U2SURP: variants seen among roughly 807,000 people sequenced by gnomAD.
U2SURP encodes U2 snRNP-associated SURP motif-containing protein.
In U2SURP, 9 loss-of-function variants were observed where a neutral mutation model predicts 144.9. The observed-to-expected ratio is 0.06, with a 90% CI of 0.04 to 0.11. The LOEUF is 0.11. Among genes scored for constraint, U2SURP ranks in the 10% least tolerant of loss-of-function variants. The probability of loss-of-function intolerance (pLI) is 1.00; values close to 1 mark genes in which losing one functional copy is unlikely to be tolerated. For synonymous variants in U2SURP, 408 were observed against 396.8 expected (o/e 1.03, Z -0.33); for missense variants, 724 against 1,226.7 (o/e 0.59, Z 6.12).
In U2SURP at chr3:143,057,598, G is replaced by A. The variant is rs1935206346; in HGVS notation, c.*1148G>A. 2 of 151,910 alleles carry A rather than the reference G, an allele frequency of 1.3e-5. No individual in the cohort carries two copies. The highest frequency in any genetic ancestry group is 6.6e-5 in the Admixed American group (1 of 15,262). The allele number at this position is 151,910 out of a possible 1,614,324, so 9.4% of individuals were successfully genotyped here. A position where few individuals can be genotyped will look rare whatever the true frequency, so the allele number is the denominator to read the frequency against. ...GAGGAAGAAATAAAACTTGTGTAAT[G>A]TTGGTCATAATACTGCTATAAATAT... On this transcript the variant is annotated 3_prime_UTR_variant, in exon 28 of 28. Transcript: ENST00000473835.
chr3:143,016,828 A>G lies in U2SURP; in HGVS notation c.437-14A>G, dbSNP rs748444879. On this transcript the variant is annotated splice_polypyrimidine_tract_variant and intron_variant, in intron 5 of 27. Coordinates refer to ENST00000473835, the MANE Select transcript of U2SURP (RefSeq NM_001080415.2). ...TGCGAAATTAGTTTTGAAACTTAGT[A>G]TTTTAAATTTCAGAAGAACATGAAA... 7.9e-6 allele frequency: 12 copies of G among 1,512,626 alleles called. No homozygotes were observed. In the Admixed American group the frequency reaches 3.0e-4, roughly 38 times the overall value. 93.7% of individuals were successfully genotyped at this position (1,512,626 alleles called of 1,614,324 possible). A position where few individuals can be genotyped will look rare whatever the true frequency, so the allele number is the denominator to read the frequency against.
intron 20 of U2SURP, 60 bp from the exon 21 acceptor site, chr3:143,037,119 T>TA: frequency 5.2e-6 from 8 of 1,526,436 alleles, no homozygotes; most frequent in Non-Finnish European, 7.1e-6. Flanking sequence ...AAATTAATCT[T>TA]ACAAGCAATG....
At chr3:143,025,220 C>T (rs1199348690) in intron 13 of U2SURP, among the ~76,000 whole-genome samples, 2 of 152,218 alleles carry the variant, frequency 1.3e-5, no homozygotes, top group East Asian at 3.9e-4. Context: ...TTTTTCACCA[C>T]TGATAAAAGC....
At chr3:143,018,455 G>A (rs1303930844) in intron 6 of U2SURP, among the ~76,000 whole-genome samples, 1 of 152,040 alleles carries the variant, frequency 6.6e-6, no homozygotes, top group Non-Finnish European at 1.5e-5. Context: ...CTTAGTAGAT[G>A]GACATTTGGA....
chr3:143,010,454 T>TG (rs1209300004), intron 1 of U2SURP, among the ~76,000 whole-genome samples: 1 of 152,212 alleles, frequency 6.6e-6, no homozygotes, highest in Non-Finnish European at 1.5e-5. Context: ...AAGAAGTTGC[T>TG]GGGCAGTGCT....
chr3:143,053,064 A>G (rs1360161334), intron 25 of U2SURP, among the ~76,000 whole-genome samples: 1 of 151,956 alleles, frequency 6.6e-6, no homozygotes, highest in Non-Finnish European at 1.5e-5. Flanking sequence ...TCGATGGAAG[A>G]TTATTGTGAA....
In U2SURP at chr3:143,046,657, G is replaced by A. The variant is rs1389203800; in HGVS notation, c.2544+3381G>A. 9.6e-5 allele frequency among the ~76,000 whole-genome samples: 10 copies of A among 104,362 alleles called. No homozygotes were observed. The South Asian group carries it at 3.2e-3, about 33-fold the overall frequency. The allele number at this position is 104,362 out of a possible 152,430, so 68.5% of individuals were successfully genotyped here. On this transcript the variant is annotated intron_variant, in intron 24 of 27. Transcript: ENST00000473835. ...TGGGGGTAAGGTCACAGATCAACAG[G>A]ATCCCAAGGCAAAAGAATTTTTCTT...
At chr3:143,033,175 G>T (rs2108295519) in intron 17 of U2SURP, 96 bp from the exon 18 acceptor site, 1 of 857,298 alleles carries the variant, frequency 1.2e-6, no homozygotes, top group East Asian at 2.7e-5. Context: ...GTGATACTGA[G>T]CTTCATATAA....
At chr3:143,029,364 G>T (rs1050236318) in intron 16 of U2SURP, among the ~76,000 whole-genome samples, 1 of 152,090 alleles carries the variant, frequency 6.6e-6, no homozygotes, top group African/African-American at 2.4e-5. Context: ...ATTATTTTTC[G>T]AACAGCATGT....
At position 143,012,273 on chromosome 3, in the gene U2SURP, A is replaced by G. The variant is rs1184620765; in HGVS notation, c.142A>G (p.Lys48Glu). The change falls in exon 3 of 28, where the codon AAG becomes GAG. Residue 48 changes from lysine to glutamate, a missense_variant. Transcript: ENST00000473835. ...DSDMPSRTRP[K>E]SPRKHNYRNE... ...TGATATGCCAAGTCGGACACGACCT[A>G]AGAGCCCAAGAAAACATAATTATAG... is the stretch of plus-strand genomic sequence containing the variant. 13 of 1,613,376 alleles carry G rather than the reference A, an allele frequency of 8.1e-6. No homozygotes were observed. The highest frequency in any genetic ancestry group is 1.0e-5 in the Non-Finnish European group (12 of 1,179,558).
In U2SURP at chr3:143,060,145, T is replaced by C. The variant is rs962203616; in HGVS notation, c.*3695T>C. On this transcript the variant is annotated 3_prime_UTR_variant, in exon 28 of 28. Coordinates refer to ENST00000473835, the MANE Select transcript of U2SURP (RefSeq NM_001080415.2). ...TTATATGTATAATTGGTAATTTGTA[T>C]AGTTTTGTAGATTGTAGATTAAATG... 3.9e-5 allele frequency: 6 copies of C among 152,434 alleles called. No homozygotes were observed. The highest frequency in any genetic ancestry group is 1.4e-4 in the African/African-American group (6 of 41,432). 9.4% of individuals were successfully genotyped at this position (152,434 alleles called of 1,614,324 possible). A position where few individuals can be genotyped will look rare whatever the true frequency, so the allele number is the denominator to read the frequency against.
intron 22 of U2SURP, among the ~76,000 whole-genome samples, chr3:143,038,680 A>T (rs1486288688): frequency 6.6e-6 from 1 of 152,062 alleles, no homozygotes; most frequent in Non-Finnish European, 1.5e-5. Context: ...AATAAGGATG[A>T]CATTATTCGT....
intron 3 of U2SURP, among the ~76,000 whole-genome samples, chr3:143,013,588 A>T (rs1164105467): frequency 6.6e-6 from 1 of 151,976 alleles, no homozygotes; most frequent in African/African-American, 2.4e-5. Context: ...CCTACCTTTT[A>T]AGTTTATAAA....
intron 13 of U2SURP, among the ~76,000 whole-genome samples, chr3:143,024,987 C>T (rs765564611): frequency 2.0e-5 from 3 of 151,838 alleles, no homozygotes; most frequent in Non-Finnish European, 4.4e-5. Context: ...TTGTACTACA[C>T]TGTTTTATTC....
intron 10 of U2SURP, 105 bp from the exon 11 acceptor site, chr3:143,022,392 C>T (rs907586396): frequency 4.6e-6 from 5 of 1,075,490 alleles, no homozygotes; most frequent in Admixed American, 3.0e-5. Flanking sequence ...AATTGAAGCA[C>T]GTTGCTATGT....
At position 143,057,730 on chromosome 3, in the gene U2SURP, C is replaced by G. The variant is rs1359536004; in HGVS notation, c.*1280C>G. ...TGGTTTGATGGGTTTTTTTTTTCCT[C>G]CCTAAAAGAGAAAGTAGAAAACTAT... On this transcript the variant is annotated 3_prime_UTR_variant, in exon 28 of 28. Transcript: ENST00000473835. 1 of 150,648 alleles carries G rather than the reference C, an allele frequency of 6.6e-6. No individual in the cohort carries two copies. Among genetic ancestry groups the G allele is most frequent in the East Asian group, 1.9e-4 (1 of 5,180 alleles). The allele number at this position is 150,648 out of a possible 1,614,324, so 9.3% of individuals were successfully genotyped here. A position where few individuals can be genotyped will look rare whatever the true frequency, so the allele number is the denominator to read the frequency against.
At chr3:143,030,440 A>G (rs879914469) in intron 16 of U2SURP, among the ~76,000 whole-genome samples, 4 of 152,242 alleles carry the variant, frequency 2.6e-5, no homozygotes, top group East Asian at 3.8e-4. Flanking sequence ...GGTTTACTGA[A>G]TATTTTAAGC....
chr3:143,032,399 C>G (rs1315442182), intron 16 of U2SURP, among the ~76,000 whole-genome samples: 1 of 152,106 alleles, frequency 6.6e-6, no homozygotes, highest in African/African-American at 2.4e-5. Context: ...AAAAATTAGC[C>G]TGTCGTAATC....
intron 24 of U2SURP, among the ~76,000 whole-genome samples, chr3:143,043,744 A>T (rs933186262): frequency 1.1e-4 from 16 of 150,714 alleles, no homozygotes; most frequent in African/African-American, 3.7e-4. Context: ...TATGTAATAC[A>T]TTATGTGTTA....
Sources: gnomAD v4.1 joint callset for allele counts (sites outside exome capture counted in the v4.1 genomes callset) on GRCh38, gnomAD v4.1.1 for gene constraint, MANE v1.5 for transcripts, NCBI Gene and HGNC (gene_info 2026-07-23, HGNC 2026-07-21) for gene names.